Variants in TEX9 observed in about 807,000 individuals in gnomAD.
TEX9 encodes the protein testis-expressed protein 9.
A neutral mutation model predicts 59.6 loss-of-function variants in TEX9; 74 were observed. The ratio of observed to expected loss-of-function variants is 1.24; its 90% confidence interval spans 1.03 to 1.51. The LOEUF (loss-of-function observed/expected upper bound fraction) is 1.51. TEX9 is among the 40% of genes most tolerant of loss of function. The probability of loss-of-function intolerance (pLI) is 0.00; values close to 1 mark genes in which losing one functional copy is unlikely to be tolerated. For synonymous variants in TEX9, 186 were observed against 152.2 expected (o/e 1.22, Z -1.64); for missense variants, 522 against 447.8 (o/e 1.17, Z -1.49).
intron 2 of TEX9, chr15:56,365,945 G>T (rs1027584841): frequency 8.1e-7 from 1 of 1,230,312 alleles, no homozygotes. Context: ...GCAAGATACT[G>T]TTGGAAGTTA....
intron 1 of TEX9, among the ~76,000 whole-genome samples, chr15:56,327,782 G>A (rs1156399343): frequency 1.3e-5 from 2 of 152,158 alleles, no homozygotes; most frequent in African/African-American, 2.4e-5. Flanking sequence ...CTCAGGGGGA[G>A]CATTTAGACC....
At chr15:56,418,026 C>T (rs1258802962) in intron 10 of TEX9, among the ~76,000 whole-genome samples, 2 of 151,574 alleles carry the variant, frequency 1.3e-5, no homozygotes, top group Non-Finnish European at 2.9e-5. Context: ...TTTCTATTTC[C>T]TGGTAGATTT....
rs184167569 is a variant in TEX9, at chr15:56,328,243, G to A, written c.-106-45198G>A. Among the ~76,000 whole-genome samples, 671 of 152,060 alleles carry A rather than the reference G, an allele frequency of 4.4e-3. 2 individuals are homozygous for A. Among genetic ancestry groups the A allele is most frequent in the Non-Finnish European group, 7.6e-3 (518 of 67,996 alleles). ...TTCTAGACACACCCTGGGCCAAAAC[G>A]GAACCTGCTGCATTCAAGGGAAGCA... On this transcript the variant is annotated intron_variant, in intron 1 of 5. Transcript: ENST00000560827.
At chr15:56,451,948 C>G in the TEX9 span, among the ~76,000 whole-genome samples, 3 of 152,086 alleles carry the variant, frequency 2.0e-5, no homozygotes, top group African/African-American at 7.2e-5. Context: ...TAAATTGATT[C>G]CTCTGAAAAT....
At chr15:56,267,240 T>C (rs998100663) in intron 1 of TEX9, among the ~76,000 whole-genome samples, 13 of 152,256 alleles carry the variant, frequency 8.5e-5, no homozygotes, top group Non-Finnish European at 4.4e-5. Flanking sequence ...CTTTGTCAGA[T>C]GAATAGATTG....
chr15:56,289,797 G>A (rs572103423), intron 1 of TEX9, among the ~76,000 whole-genome samples: 9 of 152,280 alleles, frequency 5.9e-5, no homozygotes, highest in Non-Finnish European at 1.3e-4. Flanking sequence ...GATCTAGGGT[G>A]GTAATGGCAT....
Position 56,381,242 on chromosome 15 carries a change from C to T in TEX9, c.184-2710C>T, listed in dbSNP as rs1017099408. Among the ~76,000 whole-genome samples the T allele has an allele frequency of 9.9e-5, 15 of 152,050 alleles. No individual in the cohort carries two copies. In the East Asian group the frequency reaches 1.5e-3, roughly 16 times the overall value. The stretch of plus-strand genomic sequence containing the variant: ...TTGCATTTTTAACTCCAGAATTTCT[C>T]GATTCTTTTTAATTATGTCAATCTG... On this transcript the variant is annotated intron_variant, in intron 3 of 12. Transcript: ENST00000352903.
intron 12 of TEX9, among the ~76,000 whole-genome samples, chr15:56,439,781 C>G (rs1282465662): frequency 2.9e-4 from 43 of 146,670 alleles, no homozygotes; most frequent in African/African-American, 1.1e-3. Context: ...AAACAAAACA[C>G]ACACACACAC....
chr15:56,245,468 C>T (rs1297682494), intron 1 of TEX9, among the ~76,000 whole-genome samples: 2 of 152,194 alleles, frequency 1.3e-5, no homozygotes, highest in African/African-American at 4.8e-5. Context: ...AGCTTAGCCA[C>T]TTTAGGAAAC....
At chr15:56,380,920 T>G (rs2142128551) in intron 3 of TEX9, among the ~76,000 whole-genome samples, 1 of 152,348 alleles carries the variant, frequency 6.6e-6, no homozygotes, top group Non-Finnish European at 1.5e-5. Context: ...TTAAATCTGC[T>G]TGGTGTTCTA....
chr15:56,428,285 C>G, intron 11 of TEX9, 82 bp from the exon 12 acceptor site: 1 of 927,198 alleles, frequency 1.1e-6, no homozygotes, highest in East Asian at 2.4e-5. Flanking sequence ...AATATATTAT[C>G]CACACATTTT....
At chr15:56,338,175 A>G (rs1040501425) in intron 1 of TEX9, among the ~76,000 whole-genome samples, 2 of 152,184 alleles carry the variant, frequency 1.3e-5, no homozygotes, top group Admixed American at 6.5e-5. Context: ...CTCTCTGCAA[A>G]CTAGAGCCTC....
rs1378042072 is a variant in TEX9, at chr15:56,329,817, C to A, written c.-106-43624C>A. Reference sequence around the variant, plus strand: ...GACCTAGAAAATAGCTTCAAAAGGGCAAATCTAAGAGCTATTAGCCTTAAA... The same window carrying A: ...GACCTAGAAAATAGCTTCAAAAGGGAAAATCTAAGAGCTATTAGCCTTAAA... On this transcript the variant is annotated intron_variant, in intron 1 of 5. Coordinates refer to the TEX9 transcript ENST00000560827. 2.0e-5 allele frequency among the ~76,000 whole-genome samples: 3 copies of A among 152,072 alleles called. No individual in the cohort carries two copies. The East Asian group carries it at 5.8e-4, about 29-fold the overall frequency.
chr15:56,376,117 T>C (rs2047441001), intron 3 of TEX9, among the ~76,000 whole-genome samples: 1 of 149,544 alleles, frequency 6.7e-6, no homozygotes, highest in Non-Finnish European at 1.5e-5. Flanking sequence ...ATATACCTAA[T>C]GCTAAATGAC....
intron 9 of TEX9, among the ~76,000 whole-genome samples, chr15:56,411,841 A>G (rs1278145935): frequency 6.6e-6 from 1 of 152,198 alleles, no homozygotes; most frequent in Non-Finnish European, 1.5e-5. Flanking sequence ...GGATTTTCCT[A>G]TAGGGCTATA....
intron 1 of TEX9, among the ~76,000 whole-genome samples, chr15:56,278,684 T>C (rs764924316): frequency 2.0e-5 from 3 of 152,170 alleles, no homozygotes; most frequent in Non-Finnish European, 2.9e-5. Flanking sequence ...TGCTGAACTT[T>C]TCCACTTTCC....
chr15:56,432,170 T>C (rs1003013869), intron 12 of TEX9, among the ~76,000 whole-genome samples: 3 of 152,202 alleles, frequency 2.0e-5, no homozygotes, highest in African/African-American at 7.2e-5. Context: ...ACTTGATACA[T>C]TTTTGTCCAA....
chr15:56,434,854 TC>T (rs1159623889), intron 12 of TEX9, among the ~76,000 whole-genome samples: 1 of 152,064 alleles, frequency 6.6e-6, no homozygotes, highest in Non-Finnish European at 1.5e-5. Flanking sequence ...CTTCTAATAT[TC>T]CCTTCATTCT....
At chr15:56,261,621 G>T (rs1260565176) in intron 1 of TEX9, among the ~76,000 whole-genome samples, 1 of 152,058 alleles carries the variant, frequency 6.6e-6, no homozygotes, top group Non-Finnish European at 1.5e-5. Flanking sequence ...GGAAGCTGAG[G>T]CATGGGAATC....
Sources: gnomAD v4.1 joint callset for allele counts (sites outside exome capture counted in the v4.1 genomes callset) on GRCh38, gnomAD v4.1.1 for gene constraint, MANE v1.5 for transcripts, NCBI Gene and HGNC (gene_info 2026-07-23, HGNC 2026-07-21) for gene names.